Variants in TBK1 observed in about 807,000 individuals in gnomAD.
The protein encoded by TBK1 is serine/threonine-protein kinase TBK1.
Under a neutral mutation model 99.9 loss-of-function variants are expected in TBK1, and 37 were observed. That is an observed-to-expected ratio of 0.37 (90% CI 0.28 to 0.49). TBK1 has a LOEUF of 0.49. Among genes scored for constraint, TBK1 ranks in the 20% least tolerant of loss-of-function variants. The pLI, the probability that TBK1 is intolerant of heterozygous loss-of-function variation, is 0.98. For synonymous variants in TBK1, 258 were observed against 279.8 expected (o/e 0.92, Z 0.78); for missense variants, 644 against 872.5 (o/e 0.74, Z 3.30).
In TBK1 at chr12:64,497,957, TA is replaced by T; in HGVS notation, c.2067-10del. 6.2e-7 allele frequency: 1 copy of T among 1,606,166 alleles called. No individual in the cohort carries two copies. The highest frequency in any genetic ancestry group is 2.2e-5 in the East Asian group (1 of 44,714). Reference sequence around the variant, plus strand: ...CTGTTTTTGAGCAAAGGTGCTTGTTTATTTTATTAGTATGAAGAAATTAAAG... The same window carrying T: ...CTGTTTTTGAGCAAAGGTGCTTGTTTTTTTATTAGTATGAAGAAATTAAAG... On this transcript the variant is annotated splice_polypyrimidine_tract_variant and intron_variant, in intron 19 of 20. Coordinates refer to ENST00000331710, the MANE Select transcript of TBK1 (RefSeq NM_013254.4).
chr12:64,487,306 C>T (rs998236350), intron 11 of TBK1, among the ~76,000 whole-genome samples: 4 of 152,182 alleles, frequency 2.6e-5, no homozygotes, highest in Admixed American at 6.5e-5. Context: ...GCACTCATGT[C>T]GCTATGTATG....
chr12:64,497,638 G>A lies in TBK1; in HGVS notation c.1960-10G>A. 3 of 542,010 alleles carry A rather than the reference G, an allele frequency of 5.5e-6. No homozygotes were observed. The highest frequency in any genetic ancestry group is 5.3e-5 in the South Asian group (1 of 18,938). 33.6% of individuals were successfully genotyped at this position (542,010 alleles called of 1,614,324 possible). On this transcript the variant is annotated splice_polypyrimidine_tract_variant and intron_variant, in intron 18 of 20. Coordinates refer to ENST00000331710, the MANE Select transcript of TBK1 (RefSeq NM_013254.4). ...GTTTTTTTCTTTTTTTTTTTTTTTT[G>A]ATGTTTCAGTTACAAGAAACTCTGC...
chr12:64,476,862 G>C (rs1266885321), intron 6 of TBK1, among the ~76,000 whole-genome samples: 1 of 152,080 alleles, frequency 6.6e-6, no homozygotes, highest in African/African-American at 2.4e-5. Flanking sequence ...TAAGAGGTAG[G>C]GGTCTAGTTT....
chr12:64,501,399 A>C lies in TBK1; in HGVS notation c.*18A>C, dbSNP rs752428546. ...GTCTTTAGCTTTCTAATAGAAGTTT[A>C]AGAAAAGTTTCCGTTTGCACAAGAA... On this transcript the variant is annotated 3_prime_UTR_variant, in exon 21 of 21. Coordinates refer to ENST00000331710, the MANE Select transcript of TBK1 (RefSeq NM_013254.4). 4 of 1,612,042 alleles carry C rather than the reference A, an allele frequency of 2.5e-6. No homozygotes were observed. The highest frequency in any genetic ancestry group is 4.5e-5 in the East Asian group (2 of 44,864).
rs760815870 is a variant in TBK1, at chr12:64,488,605, C to T, written c.1442+17C>T. ...TGTGAAAGTGTGAGTAGACTACTTC[C>T]TTACTAGTAGGGGTTAAATTATTAA... On this transcript the variant is annotated intron_variant, in intron 12 of 20. Transcript: ENST00000331710. The T allele has an allele frequency of 1.3e-6, 2 of 1,482,610 alleles. No homozygotes were observed. Among genetic ancestry groups the T allele is most frequent in the South Asian group, 2.4e-5 (2 of 81,804 alleles). 91.8% of individuals were successfully genotyped at this position (1,482,610 alleles called of 1,614,324 possible).
chr12:64,475,788 T>C (rs2040705516), intron 6 of TBK1, among the ~76,000 whole-genome samples: 1 of 152,234 alleles, frequency 6.6e-6, no homozygotes, highest in South Asian at 2.1e-4. Context: ...AGATTGATTC[T>C]ATGTGTTTGC....
At position 64,496,978 on chromosome 12, in the gene TBK1, C is replaced by T; in HGVS notation, c.1790C>T (p.Ala597Val). 1 of 1,612,790 alleles carries T rather than the reference C, an allele frequency of 6.2e-7. No individual in the cohort carries two copies. Among genetic ancestry groups the T allele is most frequent in the Non-Finnish European group, 8.5e-7 (1 of 1,179,284 alleles). ...KQKLYYHATK[A>V]MTHFTDECVK... Reference sequence around the variant, plus strand: ...AAACTGTATTACCATGCCACAAAAGCTATGACGCACTTTACAGATGAATGT... The same window carrying T: ...AAACTGTATTACCATGCCACAAAAGTTATGACGCACTTTACAGATGAATGT... The change falls in exon 17 of 21, where the codon GCT becomes GTT. Residue 597 changes from alanine to valine, a missense_variant. Transcript: ENST00000331710.
chr12:64,456,711 G>A (rs899867647), intron 2 of TBK1, among the ~76,000 whole-genome samples: 10 of 151,830 alleles, frequency 6.6e-5, no homozygotes, highest in Admixed American at 3.3e-4. Flanking sequence ...GCGTGGTGGC[G>A]GGCGCCTGTA....
At chr12:64,490,317 T>A (rs2040857215) in intron 13 of TBK1, among the ~76,000 whole-genome samples, 198 bp downstream of exon 13, 1 of 152,184 alleles carries the variant, frequency 6.6e-6, no homozygotes, top group African/African-American at 2.4e-5. Context: ...CACTGCACCC[T>A]AGCCTGGGCA....
At chr12:64,476,027 A>G (rs1252524130) in intron 6 of TBK1, among the ~76,000 whole-genome samples, 1 of 150,728 alleles carries the variant, frequency 6.6e-6, no homozygotes, top group African/African-American at 2.4e-5. Context: ...AGCATCTGTT[A>G]CTTTTTTTTA....
intron 3 of TBK1, among the ~76,000 whole-genome samples, chr12:64,461,090 A>G (rs1200642533): frequency 6.6e-6 from 1 of 151,768 alleles, no homozygotes; most frequent in Non-Finnish European, 1.5e-5. Context: ...AAAAAAAAAA[A>G]GAAAGAAGGA....
At position 64,474,154 on chromosome 12, in the gene TBK1, T is replaced by A. The variant is rs969802727; in HGVS notation, c.541-76T>A. On this transcript the variant is annotated intron_variant, in intron 5 of 20. Coordinates refer to ENST00000331710, the MANE Select transcript of TBK1 (RefSeq NM_013254.4). ...GAAAACAAAATAGAATTTCTAAGCA[T>A]TATTGAGTATCCATTTGTTTGTATA... The A allele has an allele frequency of 6.0e-6, 8 of 1,336,728 alleles. No individual in the cohort carries two copies. In the East Asian group the frequency reaches 1.9e-4, roughly 32 times the overall value. 82.8% of individuals were successfully genotyped at this position (1,336,728 alleles called of 1,614,324 possible).
chr12:64,468,719 A>G (rs986409785), intron 5 of TBK1, among the ~76,000 whole-genome samples: 8 of 152,312 alleles, frequency 5.3e-5, no homozygotes, highest in Admixed American at 5.2e-4. Context: ...AAGACAATAA[A>G]TTAAGGTAAT....
intron 2 of TBK1, among the ~76,000 whole-genome samples, chr12:64,456,810 C>G (rs2040493743): frequency 6.7e-6 from 1 of 149,680 alleles, no homozygotes; most frequent in African/African-American, 2.5e-5. Context: ...CCACTGCACT[C>G]CAGCCTGGGT....
chr12:64,485,407 T>C (rs2040809803), intron 9 of TBK1, 48 bp from the exon 10 acceptor site: 3 of 998,690 alleles, frequency 3.0e-6, no homozygotes, highest in Non-Finnish European at 4.5e-6. Context: ...GATAAAGTGA[T>C]TTTTTCAAAA....
rs1565812167 is a variant in TBK1, at chr12:64,460,323, AGAG to A, written c.227_228+1del. 1.3e-6 allele frequency: 2 copies of A among 1,558,926 alleles called. No homozygotes were observed. Among genetic ancestry groups the A allele is most frequent in the East Asian group, 2.3e-5 (1 of 43,438 alleles). On this transcript the variant is annotated inframe_deletion, in exon 3 of 21. Transcript: ENST00000331710. ...ATATTGTCAAATTATTTGCTATTGA[AGAG>A]GAGGTAAGTAGTAAAACTTCAATCT... is the stretch of plus-strand genomic sequence containing the variant.
intron 4 of TBK1, among the ~76,000 whole-genome samples, chr12:64,465,903 T>C (rs2136062636): frequency 1.3e-5 from 2 of 152,326 alleles, no homozygotes; most frequent in East Asian, 3.9e-4. Flanking sequence ...AAAAGATGAA[T>C]GTTATGTTTG....
rs1349384506 is a variant in TBK1, at chr12:64,479,691, A to G, written c.702-321A>G. Among the ~76,000 whole-genome samples, 42 of 152,182 alleles carry G rather than the reference A, an allele frequency of 2.8e-4. 1 individual carries two copies. The highest frequency in any genetic ancestry group is 2.6e-3 in the Admixed American group (40 of 15,278). ...TGGTCTAGAGACATTCTGTGACACA[A>G]CTTATTTTGTGTTTGCTCAGTTTTT... is the stretch of plus-strand genomic sequence containing the variant. On this transcript the variant is annotated intron_variant, in intron 6 of 20. Coordinates refer to ENST00000331710, the MANE Select transcript of TBK1 (RefSeq NM_013254.4).
intron 9 of TBK1, 58 bp downstream of exon 9, chr12:64,484,557 G>C: frequency 6.6e-7 from 1 of 1,509,952 alleles, no homozygotes; most frequent in Non-Finnish European, 8.9e-7. Flanking sequence ...CAGCCAGCCT[G>C]GGCAACATAG....
Sources: allele counts gnomAD v4.1 joint callset (sites outside exome capture counted in the v4.1 genomes callset), GRCh38; gene constraint gnomAD v4.1.1; transcripts MANE v1.5; gene names NCBI Gene and HGNC (gene_info 2026-07-23, HGNC 2026-07-21).